HEMK2: variants seen among roughly 807,000 people sequenced by gnomAD.
HEMK2 encodes the protein methyltransferase HEMK2.
the HEMK2 span, among the ~76,000 whole-genome samples, chr21:28,749,199 T>G: frequency 2.2e-3 from 340 of 152,316 alleles, 2 homozygotes; most frequent in African/African-American, 7.7e-3. Flanking sequence ...TATGAGACTA[T>G]GAATATGACT....
the HEMK2 span, among the ~76,000 whole-genome samples, chr21:28,784,839 C>G: frequency 2.6e-5 from 4 of 152,174 alleles, no homozygotes; most frequent in Non-Finnish European, 5.9e-5. Context: ...GAGTGGCAAC[C>G]CACTCAGATC....
the HEMK2 span, among the ~76,000 whole-genome samples, chr21:28,817,619 A>G: frequency 6.6e-6 from 1 of 152,244 alleles, no homozygotes; most frequent in African/African-American, 2.4e-5. Flanking sequence ...TTTGAAAGTC[A>G]CTAAGAAAGG....
At chr21:28,738,071 A>G in the HEMK2 span, among the ~76,000 whole-genome samples, 63 of 152,306 alleles carry the variant, frequency 4.1e-4, no homozygotes, top group Non-Finnish European at 7.6e-4. Flanking sequence ...AATTGCTGCA[A>G]GTGGAGAGCT....
the HEMK2 span, among the ~76,000 whole-genome samples, chr21:28,877,297 G>GA: frequency 3.3e-3 from 423 of 126,580 alleles, 5 homozygotes; most frequent in African/African-American, 0.013. Context: ...AGGAAGGAAG[G>GA]AAGAGAGAGA....
the HEMK2 span, among the ~76,000 whole-genome samples, chr21:28,858,971 C>T: frequency 0.012 from 1,883 of 152,316 alleles, 47 homozygotes; most frequent in African/African-American, 0.042. Flanking sequence ...TGAGAAGACT[C>T]TGGGTTCCAA....
the HEMK2 span, chr21:28,875,232 T>G: frequency 6.6e-6 from 1 of 152,240 alleles, no homozygotes; most frequent in Non-Finnish European, 1.5e-5. Flanking sequence ...TGACAGAGTG[T>G]TGCTGTGCAT....
the HEMK2 span, among the ~76,000 whole-genome samples, chr21:28,675,431 G>T: frequency 4.6e-5 from 7 of 152,270 alleles, no homozygotes; most frequent in South Asian, 1.4e-3. Context: ...CTGTTATTAA[G>T]TGTTTTGAAT....
the HEMK2 span, among the ~76,000 whole-genome samples, chr21:28,863,426 A>T: frequency 8.9e-4 from 22 of 24,602 alleles, 1 homozygote; most frequent in African/African-American, 8.0e-4. Context: ...ATATATATAT[A>T]TATATATATA....
chr21:28,657,864 C>G, the HEMK2 span, among the ~76,000 whole-genome samples: 1 of 151,960 alleles, frequency 6.6e-6, no homozygotes, highest in African/African-American at 2.4e-5. Context: ...TGAAACAGCT[C>G]TTTACCCTAG....
chr21:28,651,316 A>G, the HEMK2 span, among the ~76,000 whole-genome samples: 5 of 152,200 alleles, frequency 3.3e-5, no homozygotes, highest in Admixed American at 1.3e-4. Context: ...GTACTTTTGA[A>G]CTTAGCCATA....
the HEMK2 span, among the ~76,000 whole-genome samples, chr21:28,769,031 G>A: frequency 2.0e-5 from 3 of 151,992 alleles, no homozygotes; most frequent in African/African-American, 7.2e-5. Flanking sequence ...CCAGAATGGT[G>A]AAAAAATAAA....
At chr21:28,727,156 A>G in the HEMK2 span, among the ~76,000 whole-genome samples, 1 of 152,172 alleles carries the variant, frequency 6.6e-6, no homozygotes, top group Non-Finnish European at 1.5e-5. Context: ...TGGAGAGATG[A>G]GTCTGAGAAA....
chr21:28,841,339 ATTAT>A, the HEMK2 span, among the ~76,000 whole-genome samples: 1 of 17,508 alleles, frequency 5.7e-5, no homozygotes, highest in African/African-American at 5.1e-4. Flanking sequence ...ATAAATATAT[ATTAT>A]ATATATAAAT....
the HEMK2 span, among the ~76,000 whole-genome samples, chr21:28,871,846 T>C: frequency 6.6e-6 from 1 of 152,178 alleles, no homozygotes; most frequent in Non-Finnish European, 1.5e-5. Context: ...CCTTTACTCA[T>C]TGACTCATCA....
At chr21:28,885,320 G>T in the HEMK2 span, 2 of 1,584,158 alleles carry the variant, frequency 1.3e-6, no homozygotes, top group Non-Finnish European at 1.7e-6. Flanking sequence ...CCCGTGGAAC[G>T]GCGTAGCGAA....
chr21:28,751,819 A>G, the HEMK2 span, among the ~76,000 whole-genome samples: 1 of 152,192 alleles, frequency 6.6e-6, no homozygotes, highest in African/African-American at 2.4e-5. Context: ...AGCTGGGATT[A>G]CAGGCATATG....
At chr21:28,717,530 A>ACTCT in the HEMK2 span, among the ~76,000 whole-genome samples, 959 of 129,768 alleles carry the variant, frequency 7.4e-3, 29 homozygotes, top group Admixed American at 0.067. Flanking sequence ...CCCAGGCTGG[A>ACTCT]GTACAGTGGC....
the HEMK2 span, among the ~76,000 whole-genome samples, chr21:28,858,574 G>A: frequency 6.6e-6 from 1 of 151,906 alleles, no homozygotes; most frequent in Non-Finnish European, 1.5e-5. Flanking sequence ...GAGGAAGGGA[G>A]GGAGGAAGGA....
chr21:28,640,251 C>T, the HEMK2 span, among the ~76,000 whole-genome samples: 1 of 152,158 alleles, frequency 6.6e-6, no homozygotes, highest in African/African-American at 2.4e-5. Context: ...GCACTTTCTA[C>T]CAACCTCCCA....
Sources: gnomAD v4.1 joint callset for allele counts (sites outside exome capture counted in the v4.1 genomes callset) on GRCh38, gnomAD v4.1.1 for gene constraint, MANE v1.5 for transcripts, NCBI Gene and HGNC (gene_info 2026-07-23, HGNC 2026-07-21) for gene names.